Variants in PNPLA1 observed in about 807,000 individuals in gnomAD.
PNPLA1 encodes the protein omega-hydroxyceramide transacylase.
A neutral mutation model predicts 51.7 loss-of-function variants in PNPLA1; 36 were observed. The observed-to-expected ratio is 0.70, with a 90% CI of 0.53 to 0.92. The LOEUF is 0.92. PNPLA1 is among the 40% of genes least tolerant of loss of function. The pLI is 0.00. For missense variants in PNPLA1, 658 were observed against 682.5 expected, an observed-to-expected ratio of 0.96 and a Z score of 0.40; for synonymous variants, 293 against 280.1, an observed-to-expected ratio of 1.05 and a Z score of -0.46.
At chr6:36,293,228 G>A (rs914582988) in intron 3 of PNPLA1, 102 bp downstream of exon 3, 30 of 1,182,366 alleles carry the variant, frequency 2.5e-5, no homozygotes, top group African/African-American at 2.0e-4. Flanking sequence ...AGAATGCAGC[G>A]GGAGGACCTA....
At chr6:36,289,840 G>A (rs1360164372) in intron 1 of PNPLA1, among the ~76,000 whole-genome samples, 2 of 152,134 alleles carry the variant, frequency 1.3e-5, no homozygotes, top group Non-Finnish European at 2.9e-5. Flanking sequence ...TGGAATAATC[G>A]GTAAACCATA....
rs145459149 is a variant in PNPLA1, at chr6:36,255,374, G to A, written c.-81+12113G>A. On this transcript the variant is annotated intron_variant, in intron 1 of 7. Coordinates refer to the PNPLA1 transcript ENST00000312917. ...ACAAAAATTAGCTGGGCATGGTGGC[G>A]CATGCCTGTAATCCCAACTACTTGG... Among the ~76,000 whole-genome samples, 232 of 152,240 alleles carry A rather than the reference G, an allele frequency of 1.5e-3. 1 individual carries two copies. Among genetic ancestry groups the A allele is most frequent in the African/African-American group, 4.4e-3 (184 of 41,550 alleles).
In PNPLA1 at chr6:36,256,839, T is replaced by G. The variant is rs942555725; in HGVS notation, c.-81+13578T>G. Among the ~76,000 whole-genome samples the G allele has an allele frequency of 2.6e-5, 4 of 152,110 alleles. No homozygotes were observed. In the South Asian group the frequency reaches 6.2e-4, roughly 24 times the overall value. ...GAAAAAGCATACCAATTTATTAACATGCAAATGAATGGGAGTCCCACAAAG... is the reference window on the plus strand; with the variant it reads ...GAAAAAGCATACCAATTTATTAACAGGCAAATGAATGGGAGTCCCACAAAG... On this transcript the variant is annotated intron_variant, in intron 1 of 7. Coordinates refer to the PNPLA1 transcript ENST00000312917.
intron 5 of PNPLA1, among the ~76,000 whole-genome samples, chr6:36,300,178 T>TGTGAGAGAGAGAGAGAGAGAGAGAGAGA: frequency 1.0e-5 from 1 of 98,088 alleles, no homozygotes; most frequent in Non-Finnish European, 2.3e-5. Context: ...TGTGTGTGTG[T>TGTGAGAGAGAGAGAGAGAGAGAGAGAGA]GAGAGAGAGA....
At chr6:36,276,747 T>A (rs1770109872) in intron 1 of PNPLA1, among the ~76,000 whole-genome samples, 1 of 138,268 alleles carries the variant, frequency 7.2e-6, no homozygotes, top group South Asian at 2.5e-4. Context: ...CCTTTCTTCG[T>A]TCGTTCGTTC....
At chr6:36,273,523 G>T (rs950629315) in intron 1 of PNPLA1, among the ~76,000 whole-genome samples, 1 of 151,708 alleles carries the variant, frequency 6.6e-6, no homozygotes, top group East Asian at 1.9e-4. Flanking sequence ...CCTGGTGCAG[G>T]GATTCTCTCT....
chr6:36,300,606 A>C (rs1036211651), intron 5 of PNPLA1, among the ~76,000 whole-genome samples: 1 of 152,132 alleles, frequency 6.6e-6, no homozygotes, highest in African/African-American at 2.4e-5. Context: ...GGAGGAGACC[A>C]CAGAGGTAAG....
In PNPLA1 at chr6:36,302,193, C is replaced by T. The variant is rs532084398; in HGVS notation, c.1108C>T (p.Pro370Ser). 1.2e-6 allele frequency: 2 copies of T among 1,614,212 alleles called. No homozygotes were observed. Among genetic ancestry groups the T allele is most frequent in the South Asian group, 1.1e-5 (1 of 91,090 alleles). The change falls in exon 6 of 9, where the codon CCA (proline) becomes TCA (serine). Residue 370 changes from proline (P) to serine (S), a missense_variant. Coordinates refer to ENST00000636260, the MANE Select transcript of PNPLA1 (RefSeq NM_001374623.1). ...AACTCCACTTTCTCTAAGTGGCATG[C>T]CACCTGTATCATTCCCAGCTGTGCA... ...SSTPLSLSGM[P>S]PVSFPAVHKP...
chr6:36,313,761 C>T lies in PNPLA1; in HGVS notation c.*1875C>T, dbSNP rs1439452082. Among the ~76,000 whole-genome samples, 1 of 152,216 alleles carries T rather than the reference C, an allele frequency of 6.6e-6. No homozygotes were observed. Reference sequence around the variant, plus strand: ...GAGTGGCCTCCATGTTTGCAGAAGCCTGAGGCCTGGGAAACTAGGGGGAGG... The same window carrying T: ...GAGTGGCCTCCATGTTTGCAGAAGCTTGAGGCCTGGGAAACTAGGGGGAGG... On this transcript the variant is annotated 3_prime_UTR_variant, in exon 9 of 9. Transcript: ENST00000636260.
intron 7 of PNPLA1, 67 bp downstream of exon 7, chr6:36,306,443 A>G: frequency 7.2e-7 from 1 of 1,387,440 alleles, no homozygotes; most frequent in East Asian, 2.3e-5. Context: ...GCTAAGCGAT[A>G]TCTTCCACCA....
In PNPLA1 at chr6:36,270,565, C is replaced by A. The variant is rs373137683; in HGVS notation, c.106C>A (p.Arg36=). ...FYQAGAVDAL[R]DLAPRMLETA... ...CCAGGCGGGGGCTGTGGACGCCCTG[C>A]GGGACCTGGCCCCCCGGATGCTGGA... The change falls in exon 1 of 9, where the codon CGG becomes AGG. Residue 36 remains arginine (R), a synonymous_variant. Coordinates refer to ENST00000636260, the MANE Select transcript of PNPLA1 (RefSeq NM_001374623.1). The A allele has an allele frequency of 6.4e-7, 1 of 1,551,594 alleles. No homozygotes were observed. Among genetic ancestry groups the A allele is most frequent in the Non-Finnish European group, 8.7e-7 (1 of 1,146,996 alleles).
intron 1 of PNPLA1, among the ~76,000 whole-genome samples, chr6:36,282,192 A>AGAAAGAAG (rs1554136631): frequency 8.7e-5 from 3 of 34,320 alleles, no homozygotes; most frequent in African/African-American, 2.6e-4. Context: ...AAAGAAAGAA[A>AGAAAGAAG]GAAGGAAGGA....
chr6:36,261,678 A>G (rs111715930), intron 1 of PNPLA1, among the ~76,000 whole-genome samples: 1,629 of 152,310 alleles, frequency 0.011, 14 homozygotes, highest in Middle Eastern at 0.034. Context: ...CTTGGTAAGC[A>G]CTTGCCATGT....
intron 1 of PNPLA1, among the ~76,000 whole-genome samples, chr6:36,245,203 A>G (rs1769241773): frequency 6.6e-6 from 1 of 152,148 alleles, no homozygotes; most frequent in Admixed American, 6.5e-5. Flanking sequence ...AGAAATGTTG[A>G]ACAAAGAATG....
chr6:36,300,027 T>C, intron 5 of PNPLA1, among the ~76,000 whole-genome samples: 1 of 152,170 alleles, frequency 6.6e-6, no homozygotes, highest in South Asian at 2.1e-4. Flanking sequence ...CCATTGCTTA[T>C]TCAGATTTTC....
In PNPLA1 at chr6:36,310,103, A is replaced by G. The variant is rs144713423; in HGVS notation, c.1596-1660A>G. On this transcript the variant is annotated intron_variant, in intron 8 of 8. Coordinates refer to ENST00000636260, the MANE Select transcript of PNPLA1 (RefSeq NM_001374623.1). The stretch of plus-strand genomic sequence containing the variant: ...GTTGTTGCTGCTATGATAACACTGC[A>G]TAACAAACAACCCCCCAAATCTCAG... 1.6e-3 allele frequency among the ~76,000 whole-genome samples: 251 copies of G among 152,362 alleles called. 1 individual carries two copies. The highest frequency in any genetic ancestry group is 3.4e-3 in the Middle Eastern group (1 of 294).
chr6:36,267,826 G>C (rs1769798785), upstream of PNPLA1, among the ~76,000 whole-genome samples: 1 of 151,872 alleles, frequency 6.6e-6, no homozygotes, highest in African/African-American at 2.4e-5. Flanking sequence ...TGTCATCTCA[G>C]ATGCATCTTA....
At chr6:36,282,249 G>GGAAAGAAAGAAAGAAAGAAA (rs61365486) in intron 1 of PNPLA1, among the ~76,000 whole-genome samples, 29 of 112,046 alleles carry the variant, frequency 2.6e-4, no homozygotes, top group African/African-American at 9.7e-4. Flanking sequence ...AAAGAAAGAA[G>GGAAAGAAAGAAAGAAAGAAA]GAAAGAAAGA....
chr6:36,300,178 TGAGAGAGAGAGAGA>T (rs71548136), intron 5 of PNPLA1, among the ~76,000 whole-genome samples: 3 of 98,142 alleles, frequency 3.1e-5, no homozygotes, highest in South Asian at 6.3e-4. Flanking sequence ...TGTGTGTGTG[TGAGAGAGAGAGAGA>T]GAGAGAGAGA....
Sources: allele counts gnomAD v4.1 joint callset (sites outside exome capture counted in the v4.1 genomes callset), GRCh38; gene constraint gnomAD v4.1.1; transcripts MANE v1.5; gene names NCBI Gene and HGNC (gene_info 2026-07-23, HGNC 2026-07-21).